The following ADD2 variants were observed in gnomAD, a reference collection of about 807,000 sequenced individuals.
ADD2 encodes the protein adducin 2, also known as beta-adducin.
A neutral mutation model predicts 83.0 loss-of-function variants in ADD2; 23 were observed. That is an observed-to-expected ratio of 0.28 (90% confidence interval 0.20 to 0.39). ADD2 has a LOEUF of 0.39. ADD2 is among the 10% of genes least tolerant of loss of function. The pLI is 1.00. For synonymous variants in ADD2, 375 were observed against 375.4 expected (o/e 1.00, Z 0.01); for missense variants, 758 against 944.9 (o/e 0.80, Z 2.59).
At chr2:70,686,204 C>T (rs1465034910) in intron 9 of ADD2, among the ~76,000 whole-genome samples, 1 of 152,224 alleles carries the variant, frequency 6.6e-6, no homozygotes, top group African/African-American at 2.4e-5. Flanking sequence ...GATCCACCCA[C>T]ACCTCCTCTA....
At chr2:70,673,129 A>G in intron 14 of ADD2, 123 bp from the exon 15 acceptor site, 1 of 1,540,020 alleles carries the variant, frequency 6.5e-7, no homozygotes, top group Non-Finnish European at 8.9e-7. Flanking sequence ...TGATAATGAG[A>G]CTTCTAGCTG....
At chr2:70,678,570 C>G in intron 11 of ADD2, 134 bp downstream of exon 11, 1 of 1,318,974 alleles carries the variant, frequency 7.6e-7, no homozygotes, top group South Asian at 1.8e-5. Context: ...TCCCAGAGGC[C>G]TAATAGGAAG....
intron 6 of ADD2, 71 bp downstream of exon 6, chr2:70,695,647 ACCT>A: frequency 7.1e-7 from 1 of 1,410,330 alleles, no homozygotes; most frequent in Admixed American, 1.7e-5. Context: ...TTTGGAGATG[ACCT>A]AGCACTGTGG....
At chr2:70,761,819 C>G (rs1438391022) in intron 1 of ADD2, among the ~76,000 whole-genome samples, 1 of 150,646 alleles carries the variant, frequency 6.6e-6, no homozygotes, top group East Asian at 2.0e-4. Context: ...CTACAGGTGC[C>G]CGCCACCACG....
chr2:70,696,400 C>T lies in ADD2; in HGVS notation c.323-4G>A, dbSNP rs781907492. The T allele has an allele frequency of 6.8e-6, 11 of 1,614,154 alleles. No homozygotes were observed. Among genetic ancestry groups the T allele is most frequent in the South Asian group, 5.5e-5 (5 of 91,058 alleles). On this transcript the variant is annotated splice_region_variant and splice_polypyrimidine_tract_variant and intron_variant, in intron 4 of 15. Coordinates refer to ENST00000264436, the MANE Select transcript of ADD2 (RefSeq NM_001617.4). ...ATAGGCGTCATCATGGAGACATCTG[C>T]AGGGACAGTGCAGTTCTCTCAGGGC...
At chr2:70,751,147 T>G (rs1674487232) in intron 1 of ADD2, among the ~76,000 whole-genome samples, 2 of 152,210 alleles carry the variant, frequency 1.3e-5, no homozygotes, top group African/African-American at 2.4e-5. Context: ...GCTTCATGTG[T>G]CTGATTTCTA....
At chr2:70,732,781 A>G (rs1673352732) in intron 1 of ADD2, among the ~76,000 whole-genome samples, 1 of 152,168 alleles carries the variant, frequency 6.6e-6, no homozygotes, top group Non-Finnish European at 1.5e-5. Context: ...GGGGAGATGA[A>G]GGAAACAAAG....
At chr2:70,682,321 T>C (rs1670498443) in intron 10 of ADD2, among the ~76,000 whole-genome samples, 1 of 152,216 alleles carries the variant, frequency 6.6e-6, no homozygotes, top group Non-Finnish European at 1.5e-5. Context: ...AAAGAATTCT[T>C]GTATGAAACC....
chr2:70,766,906 T>C (rs991919020), intron 1 of ADD2, among the ~76,000 whole-genome samples: 1 of 152,196 alleles, frequency 6.6e-6, no homozygotes, highest in Admixed American at 6.5e-5. Flanking sequence ...AAATGACAGT[T>C]TTTTAAAGAA....
At chr2:70,760,471 T>C (rs1675025855) in intron 1 of ADD2, 1 of 152,258 alleles carries the variant, frequency 6.6e-6, no homozygotes, top group African/African-American at 2.4e-5. Context: ...ACCATGGAGA[T>C]GTTATAACAA....
rs1248025430 is a variant in ADD2 at position 70,657,144 on chromosome 2, A to G, written c.*6281T>C. 11 of 152,150 alleles carry G rather than the reference A, an allele frequency of 7.2e-5. No homozygotes were observed. The highest frequency in any genetic ancestry group is 1.5e-4 in the Non-Finnish European group (10 of 68,036). 9.4% of individuals were successfully genotyped at this position (152,150 alleles called of 1,614,324 possible). ...GCAAAACCATCTGTGGGGGTGATGC[A>G]TACTCAAGGGGGCCGGCATTTCAGT... On this transcript the variant is annotated 3_prime_UTR_variant, in exon 16 of 16. Coordinates refer to ENST00000264436, the MANE Select transcript of ADD2 (RefSeq NM_001617.4).
At chr2:70,704,284 C>CCCCCAAAAA in intron 4 of ADD2, 37 bp downstream of exon 4, 1 of 1,560,600 alleles carries the variant, frequency 6.4e-7, no homozygotes, top group Non-Finnish European at 8.7e-7. Flanking sequence ...CCCTCCCCTC[C>CCCCCAAAAA]ACCTCTGCTC....
At chr2:70,720,615 T>A (rs1672688354) in intron 1 of ADD2, among the ~76,000 whole-genome samples, 1 of 152,210 alleles carries the variant, frequency 6.6e-6, no homozygotes, top group African/African-American at 2.4e-5. Flanking sequence ...ATTCTGACAG[T>A]TTGTATTTCC....
chr2:70,735,575 G>T (rs2902579), intron 1 of ADD2, among the ~76,000 whole-genome samples: 100,184 of 151,602 alleles, frequency 0.66, 34,442 homozygotes, highest in East Asian at 0.9. Context: ...TGCTCTGCCT[G>T]CTTTCCCTCC....
intron 13 of ADD2, chr2:70,675,621 G>T (rs1429216759): frequency 1.0e-6 from 1 of 985,340 alleles, no homozygotes; most frequent in South Asian, 4.7e-5. Context: ...AGGATGCAGT[G>T]CTCTGAAGCT....
intron 4 of ADD2, among the ~76,000 whole-genome samples, chr2:70,703,226 G>C (rs1553373761): frequency 6.6e-6 from 1 of 151,958 alleles, no homozygotes; most frequent in East Asian, 1.9e-4. Context: ...GAGAAAGAGA[G>C]AAAGAGAAAG....
intron 1 of ADD2, among the ~76,000 whole-genome samples, chr2:70,730,816 A>G (rs1380269406): frequency 6.6e-5 from 10 of 152,174 alleles, no homozygotes; most frequent in African/African-American, 2.2e-4. Context: ...TTGTGTTGTA[A>G]TTGCCTACAG....
At chr2:70,683,896 A>G (rs1226362038) in intron 9 of ADD2, 129 bp from the exon 10 acceptor site, 1 of 1,016,662 alleles carries the variant, frequency 9.8e-7, no homozygotes, top group African/African-American at 1.6e-5. Flanking sequence ...AGAAAGAGCC[A>G]CCCATACTTG....
Position 70,704,437 on chromosome 2 carries a change from C to A in ADD2, c.206G>T (p.Gly69Val), listed in dbSNP as rs149147182. ...QSPSFREELEGLIQEQMKKGN... is the reference protein window; with the variant it reads ...QSPSFREELEVLIQEQMKKGN... ...CTTCTTCATCTGCTCCTGGATGAGGCCTTCCAGCTCCTCCCTGAAAGACTG... is the reference window on the plus strand; with the variant it reads ...CTTCTTCATCTGCTCCTGGATGAGGACTTCCAGCTCCTCCCTGAAAGACTG... Residue 69 changes from glycine (G) to valine (V), a missense_variant, in exon 4 of 16, where the codon GGC becomes GTC. By Grantham distance (109) the Gly-to-Val change is moderately radical (BLOSUM62 -3). Coordinates refer to ENST00000264436, the MANE Select transcript of ADD2 (RefSeq NM_001617.4). 7.1e-5 allele frequency: 115 copies of A among 1,614,020 alleles called. No homozygotes were observed. The highest frequency in any genetic ancestry group is 9.6e-5 in the Non-Finnish European group (113 of 1,180,020).
Sources: allele counts gnomAD v4.1 joint callset (sites outside exome capture counted in the v4.1 genomes callset), GRCh38; gene constraint gnomAD v4.1.1; transcripts MANE v1.5; gene names NCBI Gene and HGNC (gene_info 2026-07-23, HGNC 2026-07-21).